CELF2: variants seen among roughly 807,000 people sequenced by gnomAD.
CELF2 encodes the protein CUGBP Elav-like family member 2, also known as CUG triplet repeat RNA-binding protein 2.
CELF2 carries 8 observed loss-of-function variants against 62.6 expected under a neutral mutation model. The observed-to-expected ratio is 0.13, with a 90% CI of 0.07 to 0.23. The LOEUF (loss-of-function observed/expected upper bound fraction) is 0.23, where lower values mean the gene tolerates loss of function less well. Among genes scored for constraint, CELF2 ranks in the 10% least tolerant of loss-of-function variants. CELF2 has a pLI of 1.00. For missense variants in CELF2, 333 were observed against 671.0 expected (o/e 0.50, Z 5.56); for synonymous variants, 258 against 250.0 (o/e 1.03, Z -0.30).
At chr10:10,760,894 G>A in the CELF2 span, among the ~76,000 whole-genome samples, 13 of 152,270 alleles carry the variant, frequency 8.5e-5, no homozygotes, top group East Asian at 1.9e-3. Flanking sequence ...GTCGCATCAC[G>A]CAAGGCTTTG....
At chr10:11,051,376 GTAT>G (rs1225437286) in intron 1 of CELF2, among the ~76,000 whole-genome samples, 1 of 152,118 alleles carries the variant, frequency 6.6e-6, no homozygotes, top group African/African-American at 2.4e-5. Flanking sequence ...ATCCACCTAT[GTAT>G]TATTTATGGA....
rs2066582777 is a variant in CELF2, at chr10:11,226,488, C to T, written c.354+8981C>T. On this transcript the variant is annotated intron_variant, in intron 3 of 12. Transcript: ENST00000633077. ...TCAGTCCTGCCCCACTCCTGCAGCTCGTCATAGATGTGGAACAGCAGGACC... is the reference window on the plus strand; with the variant it reads ...TCAGTCCTGCCCCACTCCTGCAGCTTGTCATAGATGTGGAACAGCAGGACC... Among the ~76,000 whole-genome samples, 3 of 152,210 alleles carry T rather than the reference C, an allele frequency of 2.0e-5. No individual in the cohort carries two copies. In the South Asian group the frequency reaches 6.2e-4, roughly 31 times the overall value.
At chr10:10,684,478 C>T in the CELF2 span, among the ~76,000 whole-genome samples, 3 of 152,158 alleles carry the variant, frequency 2.0e-5, no homozygotes, top group Non-Finnish European at 4.4e-5. Flanking sequence ...CACAGTGGCT[C>T]ACGCCTGTAA....
chr10:10,590,446 A>C, the CELF2 span, among the ~76,000 whole-genome samples: 1 of 152,222 alleles, frequency 6.6e-6, no homozygotes, highest in Non-Finnish European at 1.5e-5. Flanking sequence ...CCAACTGGAG[A>C]GTAAGTTGTA....
chr10:11,284,237 G>GAGT (rs1391578498), intron 8 of CELF2, among the ~76,000 whole-genome samples: 2,801 of 11,138 alleles, frequency 0.25, 1,164 homozygotes, highest in Non-Finnish European at 0.28. Context: ...GATGAGGGAT[G>GAGT]GAGGGGTGGG....
At position 11,319,839 on chromosome 10, in the gene CELF2, C is replaced by G; in HGVS notation, c.1097-1350C>G. 1 of 471,090 alleles carries G rather than the reference C, an allele frequency of 2.1e-6. No homozygotes were observed. The allele number at this position is 471,090 out of a possible 1,614,324, so 29.2% of individuals were successfully genotyped here. Reference sequence around the variant, plus strand: ...AGGCGAAGTTGGCCAAATAGAAGCACAAGTGGAGTAAACAGAACATTCCCC... The same window carrying G: ...AGGCGAAGTTGGCCAAATAGAAGCAGAAGTGGAGTAAACAGAACATTCCCC... On this transcript the variant is annotated intron_variant, in intron 10 of 12. Transcript: ENST00000633077. The surrounding 1 kb of genome is among the most constrained non-coding windows in gnomAD (Gnocchi z 4.4).
chr10:10,815,943 CT>C (rs1387649798), intron 1 of CELF2, among the ~76,000 whole-genome samples: 1 of 150,020 alleles, frequency 6.7e-6, no homozygotes, highest in African/African-American at 2.4e-5. Flanking sequence ...GCCTAAATCC[CT>C]TTTGATCATC....
At chr10:11,072,416 G>T (rs1433787192) in intron 1 of CELF2, among the ~76,000 whole-genome samples, 2 of 152,204 alleles carry the variant, frequency 1.3e-5, no homozygotes, top group African/African-American at 2.4e-5. Flanking sequence ...TGGTTGGACT[G>T]TGTTTCCTGC....
At chr10:10,621,444 C>A in the CELF2 span, among the ~76,000 whole-genome samples, 1 of 152,054 alleles carries the variant, frequency 6.6e-6, no homozygotes, top group Non-Finnish European at 1.5e-5. Context: ...AACAAAGAAG[C>A]GTAGCATAGG....
At chr10:10,491,623 A>T in the CELF2 span, among the ~76,000 whole-genome samples, 1 of 152,196 alleles carries the variant, frequency 6.6e-6, no homozygotes, top group Non-Finnish European at 1.5e-5. Flanking sequence ...AGCATTCATG[A>T]ATTCTTTTAG....
Position 11,306,094 on chromosome 10 carries a change from G to A in CELF2, c.977-8045G>A, listed in dbSNP as rs1591170868. Among the ~76,000 whole-genome samples, 1 of 152,306 alleles carries A rather than the reference G, an allele frequency of 6.6e-6. No homozygotes were observed. Among genetic ancestry groups the A allele is most frequent in the South Asian group, 2.1e-4 (1 of 4,822 alleles). ...ACCAGTGGTACAACAGGCTTAAAAT[G>A]TGACGTATCCAAGTTATTGCAGCCA... On this transcript the variant is annotated intron_variant, in intron 9 of 12. Coordinates refer to ENST00000633077, the MANE Select transcript of CELF2 (RefSeq NM_001326342.2). This position sits in a 1 kb window ranked among gnomAD's most constrained non-coding sequence, Gnocchi z 4.4.
the CELF2 span, among the ~76,000 whole-genome samples, chr10:10,657,587 T>C: frequency 6.6e-6 from 1 of 152,068 alleles, no homozygotes; most frequent in African/African-American, 2.4e-5. Flanking sequence ...AACACAATGT[T>C]GAATAAGAAA....
upstream of CELF2, chr10:11,017,805 T>G: frequency 3.6e-6 from 1 of 278,252 alleles, no homozygotes; most frequent in Non-Finnish European, 5.4e-6. This position sits in a 1 kb window ranked among gnomAD's most constrained non-coding sequence, Gnocchi z 5.5. Flanking sequence ...CGGAGCCGGG[T>G]TCGGGGCCGC....
chr10:11,156,337 C>T lies in CELF2; in HGVS notation c.75-9149C>T, dbSNP rs1331757393. 1.3e-5 allele frequency among the ~76,000 whole-genome samples: 2 copies of T among 152,210 alleles called. No homozygotes were observed. Among genetic ancestry groups the T allele is most frequent in the African/African-American group, 4.8e-5 (2 of 41,530 alleles). ...TAATTTTACTGCTTTGAAGACTTCT[C>T]GCGTGCCGTATTAAATCTATTCATT... On this transcript the variant is annotated intron_variant, in intron 1 of 12. Transcript: ENST00000633077. The surrounding 1 kb of genome is among the most constrained non-coding windows in gnomAD (Gnocchi z 4.3).
chr10:10,966,637 A>G (rs1465790505), intron 2 of CELF2: 3 of 152,194 alleles, frequency 2.0e-5, no homozygotes, highest in Non-Finnish European at 2.9e-5. Context: ...GGAAATCTAA[A>G]TGCCTGGAGC....
intron 3 of CELF2, among the ~76,000 whole-genome samples, chr10:11,225,140 G>T (rs1029849276): frequency 2.0e-5 from 3 of 152,202 alleles, no homozygotes; most frequent in Middle Eastern, 3.4e-3. Context: ...TTTCAGGCCC[G>T]TACCCTCACC....
the CELF2 span, among the ~76,000 whole-genome samples, chr10:10,758,151 A>G: frequency 6.6e-6 from 1 of 152,234 alleles, no homozygotes; most frequent in Non-Finnish European, 1.5e-5. Context: ...TTTTATTGAT[A>G]GGTAAACTAC....
At chr10:11,174,477 T>C (rs2133786061) in intron 2 of CELF2, among the ~76,000 whole-genome samples, 1 of 152,326 alleles carries the variant, frequency 6.6e-6, no homozygotes, top group Non-Finnish European at 1.5e-5. Context: ...CATTCAGGTA[T>C]TAATTCACAT....
chr10:10,849,494 G>T (rs573643162), intron 1 of CELF2, among the ~76,000 whole-genome samples: 4 of 152,188 alleles, frequency 2.6e-5, no homozygotes, highest in African/African-American at 9.6e-5. Flanking sequence ...TCAACATTTT[G>T]CCATATTTGC....
Sources: allele counts gnomAD v4.1 joint callset (sites outside exome capture counted in the v4.1 genomes callset), GRCh38; gene constraint gnomAD v4.1.1; non-coding constraint Gnocchi (gnomAD v3.1); transcripts MANE v1.5; gene names NCBI Gene and HGNC (gene_info 2026-07-23, HGNC 2026-07-21).